LRFN5: variants seen among roughly 807,000 people sequenced by gnomAD.
LRFN5 encodes leucine-rich repeat and fibronectin type-III domain-containing protein 5.
Under a neutral mutation model 45.6 loss-of-function variants are expected in LRFN5, and 24 were observed. That is an observed-to-expected ratio of 0.53 (90% CI 0.38 to 0.74). The LOEUF (loss-of-function observed/expected upper bound fraction) is 0.74. Ranked by LOEUF, LRFN5 falls within the 30% of genes least tolerant of loss-of-function variation. The probability of loss-of-function intolerance (pLI) is 0.00; values close to 1 mark genes in which losing one functional copy is unlikely to be tolerated. For synonymous variants in LRFN5, 340 were observed against 313.8 expected, an observed-to-expected ratio of 1.08 and a Z score of -0.88; for missense variants, 776 against 861.5, an observed-to-expected ratio of 0.90 and a Z score of 1.24.
chr14:41,816,702 C>G (rs1202311595), intron 2 of LRFN5, among the ~76,000 whole-genome samples: 1 of 151,882 alleles, frequency 6.6e-6, no homozygotes, highest in Non-Finnish European at 1.5e-5. Flanking sequence ...ATTTTCCAAA[C>G]TTTGTCTCTT....
In LRFN5 at chr14:41,681,824, AT is replaced by A. The variant is rs201760109; in HGVS notation, c.-197+73274del. Among the ~76,000 whole-genome samples, 33 of 70,096 alleles carry A rather than the reference AT, an allele frequency of 4.7e-4. No individual in the cohort carries two copies. The East Asian group carries it at 0.015, about 31-fold the overall frequency. 46.0% of individuals were successfully genotyped at this position (70,096 alleles called of 152,430 possible). On this transcript the variant is annotated intron_variant, in intron 1 of 5. Transcript: ENST00000298119. ...TATTTATTTATTTATTTATTTATTT[AT>A]TTTTTTTTTTTGTGATGGAGTCTCA...
rs867755987 is a variant in LRFN5, at chr14:41,650,264, C to A, written c.-197+41702C>A. ...ACACACACACACACACACACACACA[C>A]ACAAAAAAAAAAAAGATACTTGCAA... On this transcript the variant is annotated intron_variant, in intron 1 of 5. Transcript: ENST00000298119. Among the ~76,000 whole-genome samples the A allele has an allele frequency of 2.8e-3, 363 of 130,406 alleles. 2 individuals carry two copies. Among genetic ancestry groups the A allele is most frequent in the Non-Finnish European group, 2.8e-3 (178 of 63,666 alleles). 85.6% of individuals were successfully genotyped at this position (130,406 alleles called of 152,430 possible).
At chr14:41,818,786 C>T (rs998537614) in intron 2 of LRFN5, among the ~76,000 whole-genome samples, 2 of 152,122 alleles carry the variant, frequency 1.3e-5, no homozygotes, top group African/African-American at 2.4e-5. Context: ...AGTTTTGTTA[C>T]ATGGATATAT....
At chr14:41,807,989 G>A (rs1198948692) in intron 2 of LRFN5, among the ~76,000 whole-genome samples, 1 of 151,378 alleles carries the variant, frequency 6.6e-6, no homozygotes, top group African/African-American at 2.4e-5. Context: ...TGAGCTATTT[G>A]GTGATTTAAA....
chr14:41,785,004 A>G (rs936616396), intron 2 of LRFN5, among the ~76,000 whole-genome samples: 4 of 152,134 alleles, frequency 2.6e-5, no homozygotes, highest in African/African-American at 7.2e-5. Context: ...ATTGATAATC[A>G]TGAAATACAT....
chr14:41,871,460 G>A (rs1890016291), intron 2 of LRFN5, among the ~76,000 whole-genome samples: 1 of 151,884 alleles, frequency 6.6e-6, no homozygotes, highest in Non-Finnish European at 1.5e-5. Context: ...ATGGTGGTGG[G>A]CACCTGTAAT....
At chr14:41,725,864 T>A (rs1436446966) in intron 1 of LRFN5, among the ~76,000 whole-genome samples, 1 of 152,164 alleles carries the variant, frequency 6.6e-6, no homozygotes, top group Non-Finnish European at 1.5e-5. Context: ...AACTCTCCAA[T>A]TTTATATTTA....
At chr14:41,880,734 C>A (rs778318991) in intron 2 of LRFN5, among the ~76,000 whole-genome samples, 1 of 152,078 alleles carries the variant, frequency 6.6e-6, no homozygotes, top group Non-Finnish European at 1.5e-5. Context: ...GAGTTCGTAT[C>A]TCCAATTGTA....
intron 1 of LRFN5, among the ~76,000 whole-genome samples, chr14:41,745,374 G>A (rs745326254): frequency 1.2e-4 from 18 of 152,010 alleles, no homozygotes; most frequent in Non-Finnish European, 2.4e-4. Flanking sequence ...ACGGTACTCA[G>A]TGAAAGCAAT....
intron 2 of LRFN5, among the ~76,000 whole-genome samples, chr14:41,790,699 T>C (rs1383855908): frequency 6.6e-6 from 1 of 151,632 alleles, no homozygotes; most frequent in African/African-American, 2.4e-5. Context: ...CAGTCGATCA[T>C]TTAGGAATGT....
At chr14:41,668,819 G>A (rs938367293) in intron 1 of LRFN5, among the ~76,000 whole-genome samples, 2 of 152,024 alleles carry the variant, frequency 1.3e-5, no homozygotes, top group African/African-American at 4.8e-5. Flanking sequence ...GAATAATGAA[G>A]CCAAGAACCC....
chr14:41,861,665 T>C (rs571235117), intron 2 of LRFN5, among the ~76,000 whole-genome samples: 16 of 152,300 alleles, frequency 1.1e-4, no homozygotes, highest in Admixed American at 8.5e-4. Flanking sequence ...CAAACGTTTG[T>C]TGGGTGAATA....
intron 1 of LRFN5, among the ~76,000 whole-genome samples, chr14:41,734,110 C>T (rs1884302106): frequency 7.1e-6 from 1 of 140,978 alleles, no homozygotes; most frequent in African/African-American, 2.6e-5. Context: ...ACTGCAACCT[C>T]TGCCTCCTGG....
Position 41,891,618 on chromosome 14 carries a change from T to G in LRFN5, c.1754T>G (p.Leu585Arg), listed in dbSNP as rs1298147858. ...GAQIQGCSVT[L>R]PQSVSKQAVG... ...CAAATACAAGGCTGTAGTGTAACGCTGCCCCAGTCCGTGTCCAAACAAGCT... is the reference window on the plus strand; with the variant it reads ...CAAATACAAGGCTGTAGTGTAACGCGGCCCCAGTCCGTGTCCAAACAAGCT... Residue 585 changes from leucine (L) to arginine (R), a missense_variant, in exon 4 of 6, where the codon CTG becomes CGG. By Grantham distance (102) the Leu-to-Arg change is moderately radical (BLOSUM62 -2). Transcript: ENST00000298119. 6.2e-7 allele frequency: 1 copy of G among 1,614,200 alleles called. No individual in the cohort carries two copies. Among genetic ancestry groups the G allele is most frequent in the South Asian group, 1.1e-5 (1 of 91,082 alleles).
intron 2 of LRFN5, among the ~76,000 whole-genome samples, chr14:41,850,816 A>G (rs1889240287): frequency 6.6e-6 from 1 of 151,702 alleles, no homozygotes; most frequent in Non-Finnish European, 1.5e-5. Context: ...CATGCTAGAG[A>G]CTATTTCCTG....
intron 2 of LRFN5, among the ~76,000 whole-genome samples, chr14:41,799,268 C>T (rs1887241099): frequency 6.6e-6 from 1 of 151,936 alleles, no homozygotes. Context: ...TCTAATTTTT[C>T]CAAGGGAGTT....
chr14:41,811,446 T>G (rs548648639), intron 2 of LRFN5, among the ~76,000 whole-genome samples: 25 of 152,184 alleles, frequency 1.6e-4, no homozygotes, highest in African/African-American at 5.8e-4. Flanking sequence ...GGTGAAAACA[T>G]ATATCCACAT....
At chr14:41,714,438 C>G (rs1883406250) in intron 1 of LRFN5, among the ~76,000 whole-genome samples, 2 of 152,108 alleles carry the variant, frequency 1.3e-5, no homozygotes, top group Admixed American at 1.3e-4. Flanking sequence ...ATATAATAGT[C>G]TATTATTACT....
At chr14:41,778,801 A>T (rs1266792351) in intron 2 of LRFN5, among the ~76,000 whole-genome samples, 1 of 151,800 alleles carries the variant, frequency 6.6e-6, no homozygotes, top group Non-Finnish European at 1.5e-5. Context: ...GGTTATTATA[A>T]AGTACATGTG....
Sources: gnomAD v4.1 joint callset for allele counts (sites outside exome capture counted in the v4.1 genomes callset) on GRCh38, gnomAD v4.1.1 for gene constraint, MANE v1.5 for transcripts, NCBI Gene and HGNC (gene_info 2026-07-23, HGNC 2026-07-21) for gene names.